The following DLG2 variants were observed in gnomAD, a reference collection of about 807,000 sequenced individuals.
The protein encoded by DLG2 is discs large MAGUK scaffold protein 2.
In DLG2, 45 loss-of-function variants were observed where a neutral mutation model predicts 132.5. The observed-to-expected ratio is 0.34, with a 90% confidence interval of 0.27 to 0.44. DLG2 has a LOEUF of 0.44. DLG2 is among the 20% of genes least tolerant of loss of function. DLG2 has a pLI of 1.00. For missense variants in DLG2, 1,045 were observed against 1,196.9 expected (o/e 0.87, Z 1.87); for synonymous variants, 424 against 419.6 (o/e 1.01, Z -0.13).
chr11:84,525,671 T>C (rs552083819), intron 7 of DLG2, among the ~76,000 whole-genome samples: 7 of 152,296 alleles, frequency 4.6e-5, no homozygotes, highest in African/African-American at 1.7e-4. Flanking sequence ...GGTCATGTCA[T>C]TCTCCTTTTT....
intron 6 of DLG2, among the ~76,000 whole-genome samples, chr11:84,970,464 C>G (rs150643194): frequency 6.6e-6 from 1 of 152,334 alleles, no homozygotes; most frequent in Non-Finnish European, 1.5e-5. Context: ...TGCTTATAAT[C>G]AACAACCATT....
At chr11:84,995,824 G>A (rs1387158632) in intron 6 of DLG2, among the ~76,000 whole-genome samples, 1 of 152,236 alleles carries the variant, frequency 6.6e-6, no homozygotes, top group African/African-American at 2.4e-5. Context: ...CAGGTCCTGG[G>A]AAATCGTTAG....
chr11:83,929,466 CA>C (rs1189435780), intron 15 of DLG2, among the ~76,000 whole-genome samples: 1 of 152,138 alleles, frequency 6.6e-6, no homozygotes, highest in Non-Finnish European at 1.5e-5. Context: ...CCTCTCTCTC[CA>C]ACTCAGGCTA....
chr11:84,731,678 T>C (rs558997379), intron 6 of DLG2, among the ~76,000 whole-genome samples: 1 of 152,056 alleles, frequency 6.6e-6, no homozygotes, highest in South Asian at 2.1e-4. Flanking sequence ...AAGAAGACAG[T>C]AGAGGTGAGA....
intron 7 of DLG2, among the ~76,000 whole-genome samples, chr11:84,414,938 G>A (rs1267872852): frequency 6.6e-6 from 1 of 152,102 alleles, no homozygotes; most frequent in Non-Finnish European, 1.5e-5. Context: ...GCTGTTTGGG[G>A]AACAGAGTAT....
chr11:84,476,914 C>T (rs2099123191), intron 7 of DLG2, among the ~76,000 whole-genome samples: 1 of 152,096 alleles, frequency 6.6e-6, no homozygotes, highest in Non-Finnish European at 1.5e-5. Flanking sequence ...GAATGCCTGG[C>T]CACAGAAGCA....
intron 7 of DLG2, among the ~76,000 whole-genome samples, chr11:84,360,967 A>T (rs533447393): frequency 3.3e-5 from 5 of 151,952 alleles, no homozygotes; most frequent in Non-Finnish European, 7.4e-5. Flanking sequence ...ATAAAAAAAG[A>T]TACCCAAAAT....
chr11:83,506,773 G>A lies in DLG2; in HGVS notation c.2194-22545C>T, dbSNP rs546399356. Reference sequence around the variant, plus strand: ...CAGCTTTATCAGGGTTCTCTCACACGTTTCTATTGTAAGTTGCAGGGTCCC... The same window carrying A: ...CAGCTTTATCAGGGTTCTCTCACACATTTCTATTGTAAGTTGCAGGGTCCC... On this transcript the variant is annotated intron_variant, in intron 21 of 27. Transcript: ENST00000376104. 3.9e-5 allele frequency among the ~76,000 whole-genome samples: 6 copies of A among 152,272 alleles called. No homozygotes were observed. In the East Asian group the frequency reaches 9.6e-4, roughly 24 times the overall value.
At chr11:84,505,728 G>T (rs1163003496) in intron 7 of DLG2, among the ~76,000 whole-genome samples, 1 of 152,082 alleles carries the variant, frequency 6.6e-6, no homozygotes, top group Non-Finnish European at 1.5e-5. Context: ...AAAAAGAAAT[G>T]TGACATCTTC....
chr11:84,225,832 T>C (rs1055356960), intron 8 of DLG2, among the ~76,000 whole-genome samples: 2 of 151,976 alleles, frequency 1.3e-5, no homozygotes, highest in Admixed American at 1.3e-4. Flanking sequence ...GATGGAGTCT[T>C]GCTTTGCTCA....
chr11:83,521,141 A>G (rs956698796), intron 21 of DLG2, among the ~76,000 whole-genome samples: 1 of 152,214 alleles, frequency 6.6e-6, no homozygotes, highest in Non-Finnish European at 1.5e-5. Context: ...TACTAAATAA[A>G]TATTCATGGA....
At chr11:85,542,064 G>C (rs190911387) in intron 3 of DLG2, among the ~76,000 whole-genome samples, 3 of 152,260 alleles carry the variant, frequency 2.0e-5, no homozygotes, top group East Asian at 3.9e-4. Flanking sequence ...AACAACTCCA[G>C]AATTGAGAAA....
At chr11:83,597,775 C>A (rs1028986124) in intron 19 of DLG2, among the ~76,000 whole-genome samples, 3 of 147,620 alleles carry the variant, frequency 2.0e-5, no homozygotes, top group African/African-American at 7.5e-5. Flanking sequence ...ACAGAGTGAG[C>A]TCCCTGTCTC....
chr11:84,880,088 A>G (rs1350267060), intron 6 of DLG2, among the ~76,000 whole-genome samples: 2 of 152,122 alleles, frequency 1.3e-5, no homozygotes, highest in Non-Finnish European at 2.9e-5. Context: ...TGGGACAAAG[A>G]GATGATGTAG....
At chr11:84,007,656 C>T (rs755191300) in intron 11 of DLG2, among the ~76,000 whole-genome samples, 12 of 151,594 alleles carry the variant, frequency 7.9e-5, no homozygotes, top group Non-Finnish European at 1.3e-4. Flanking sequence ...GAACAAGTCA[C>T]TTTTAATGGA....
At chr11:84,307,308 G>A (rs1243954832) in intron 7 of DLG2, among the ~76,000 whole-genome samples, 1 of 152,158 alleles carries the variant, frequency 6.6e-6, no homozygotes, top group East Asian at 1.9e-4. Flanking sequence ...GAGTACTCAT[G>A]AACACAAAGG....
At chr11:83,997,679 C>A (rs1026003689) in intron 11 of DLG2, among the ~76,000 whole-genome samples, 1 of 125,524 alleles carries the variant, frequency 8.0e-6, no homozygotes, top group South Asian at 2.6e-4. Flanking sequence ...TGCAGTGAGC[C>A]GAGATGGTGC....
In DLG2 at chr11:84,443,177, T is replaced by C. The variant is rs1448478163; in HGVS notation, c.519+91393A>G. Among the ~76,000 whole-genome samples the C allele has an allele frequency of 2.0e-5, 3 of 152,144 alleles. No individual in the cohort carries two copies. In the East Asian group the frequency reaches 5.8e-4, roughly 29 times the overall value. On this transcript the variant is annotated intron_variant, in intron 7 of 27. Transcript: ENST00000376104. ...AATGTATAATGTGCCTCTTCTTTCA[T>C]ATGTTTAATCATAACATACTTGGCA...
intron 13 of DLG2, among the ~76,000 whole-genome samples, chr11:83,963,397 T>G (rs1312747122): frequency 6.6e-6 from 1 of 152,052 alleles, no homozygotes; most frequent in Non-Finnish European, 1.5e-5. Context: ...ATCCAATTAC[T>G]GAGAGTAAAA....
Sources: gnomAD v4.1 joint callset for allele counts (sites outside exome capture counted in the v4.1 genomes callset) on GRCh38, gnomAD v4.1.1 for gene constraint, MANE v1.5 for transcripts, NCBI Gene and HGNC (gene_info 2026-07-23, HGNC 2026-07-21) for gene names.